ZBBX: variants seen among roughly 807,000 people sequenced by gnomAD.
ZBBX encodes zinc finger B-box domain-containing protein 1.
Under a neutral mutation model 108.5 loss-of-function variants are expected in ZBBX, and 101 were observed. The ratio of observed to expected loss-of-function variants is 0.93; its 90% CI spans 0.79 to 1.10. The LOEUF is 1.10. Ranked by LOEUF, ZBBX falls within the 50% of genes least tolerant of loss-of-function variation. ZBBX has a pLI of 0.00. For missense variants in ZBBX, 1,009 were observed against 941.4 expected (o/e 1.07, Z -0.94); for synonymous variants, 356 against 323.4 (o/e 1.10, Z -1.08).
chr3:167,329,800 C>T (rs546597876), intron 10 of ZBBX, among the ~76,000 whole-genome samples: 4 of 152,264 alleles, frequency 2.6e-5, no homozygotes, highest in Admixed American at 2.6e-4. Flanking sequence ...CACAGAGGAG[C>T]TTAAACCCAT....
At chr3:167,295,754 TATATAAAAAA>T (rs1731579443) in intron 18 of ZBBX, among the ~76,000 whole-genome samples, 3 of 14,612 alleles carry the variant, frequency 2.1e-4, no homozygotes, top group African/African-American at 8.8e-4. Flanking sequence ...TATATATATA[TATATAAAAAA>T]AACTAGTAAG....
intron 9 of ZBBX, among the ~76,000 whole-genome samples, chr3:167,346,553 G>A (rs562740162): frequency 5.0e-4 from 76 of 152,018 alleles, no homozygotes; most frequent in African/African-American, 1.8e-3. Flanking sequence ...ACAGGTTAAA[G>A]AATATAAAGT....
the ZBBX span, among the ~76,000 whole-genome samples, chr3:167,226,711 T>A: frequency 1.3e-5 from 2 of 151,850 alleles, no homozygotes; most frequent in South Asian, 4.2e-4. Flanking sequence ...ATGCTTCAGA[T>A]CTCAACTGAA....
chr3:167,250,761 G>C (rs1722451643), intron 20 of ZBBX, among the ~76,000 whole-genome samples: 1 of 152,030 alleles, frequency 6.6e-6, no homozygotes, highest in African/African-American at 2.4e-5. Flanking sequence ...GATACCGGAG[G>C]GGTCGAGGAA....
At chr3:167,281,644 T>C (rs2108523947) in intron 20 of ZBBX, among the ~76,000 whole-genome samples, 1 of 152,380 alleles carries the variant, frequency 6.6e-6, no homozygotes, top group East Asian at 1.9e-4. Flanking sequence ...ATGGTCACTA[T>C]ATTGCTGACT....
chr3:167,289,363 G>A (rs773141171), intron 18 of ZBBX, among the ~76,000 whole-genome samples: 4 of 152,188 alleles, frequency 2.6e-5, no homozygotes, highest in Non-Finnish European at 4.4e-5. Context: ...CAGTGATAAT[G>A]ATGTAGAAGG....
the ZBBX span, among the ~76,000 whole-genome samples, chr3:167,215,754 A>T: frequency 6.6e-6 from 1 of 152,198 alleles, no homozygotes; most frequent in Non-Finnish European, 1.5e-5. Context: ...AACTGAATCC[A>T]GCAGCGCATC....
intron 18 of ZBBX, among the ~76,000 whole-genome samples, chr3:167,294,799 G>T (rs115185010): frequency 3.7e-4 from 56 of 152,018 alleles, no homozygotes; most frequent in African/African-American, 1.3e-3. Flanking sequence ...CCATCCATTG[G>T]ACAAAGGGCT....
chr3:167,309,459 T>C (rs535365117), intron 16 of ZBBX, among the ~76,000 whole-genome samples: 1 of 152,228 alleles, frequency 6.6e-6, no homozygotes, highest in Non-Finnish European at 1.5e-5. Context: ...TACCTGGACA[T>C]TTAGGCATTT....
intron 20 of ZBBX, among the ~76,000 whole-genome samples, chr3:167,254,279 T>C (rs1576784814): frequency 6.6e-6 from 1 of 152,182 alleles, no homozygotes; most frequent in Admixed American, 6.5e-5. Flanking sequence ...TGTATGTGCA[T>C]GTGTGTGCAC....
chr3:167,366,674 A>G (rs1560190100), intron 5 of ZBBX: 1 of 348,248 alleles, frequency 2.9e-6, no homozygotes, highest in Non-Finnish European at 5.7e-6. Context: ...ATGACATTTA[A>G]TATCTGTGTG....
Position 167,358,195 on chromosome 3 carries a change from A to G in ZBBX, c.432+1675T>C, listed in dbSNP as rs1259832355. Among the ~76,000 whole-genome samples the G allele has an allele frequency of 2.6e-5, 4 of 151,908 alleles. No individual in the cohort carries two copies. The East Asian group carries it at 7.7e-4, about 29-fold the overall frequency. ...TAATAAAATAAAATAAAGTAAAATA[A>G]AAAAATAATAAAAAAAGAAATCCTA... On this transcript the variant is annotated intron_variant, in intron 8 of 21. Coordinates refer to ENST00000675490, the MANE Select transcript of ZBBX (RefSeq NM_001199201.2).
intron 20 of ZBBX, among the ~76,000 whole-genome samples, chr3:167,266,205 C>A (rs1190776652): frequency 6.6e-6 from 1 of 152,082 alleles, no homozygotes; most frequent in East Asian, 1.9e-4. Flanking sequence ...TTTTTCTCAA[C>A]TTTTGAAGGT....
Position 167,405,700 on chromosome 3 carries a change from G to T in ZBBX, c.-446+2026C>A, listed in dbSNP as rs115866463. On this transcript the variant is annotated intron_variant, in intron 1 of 21. Transcript: ENST00000455345. ...TTAGTAATTGAAGAAGGTATTCCTG[G>T]TAAGCTGGTACCACCAATAATTTAA... 4.5e-3 allele frequency among the ~76,000 whole-genome samples: 683 copies of T among 152,310 alleles called. 1 individual carries two copies. The highest frequency in any genetic ancestry group is 0.02 in the Middle Eastern group (6 of 294).
At chr3:167,193,723 C>G in the ZBBX span, among the ~76,000 whole-genome samples, 1 of 151,980 alleles carries the variant, frequency 6.6e-6, no homozygotes, top group Non-Finnish European at 1.5e-5. Context: ...TGGAATTAAC[C>G]TAAGTGTTCA....
Position 167,333,814 on chromosome 3 carries a change from T to A in ZBBX, c.687+13A>T. 1 of 1,581,836 alleles carries A rather than the reference T, an allele frequency of 6.3e-7. No individual in the cohort carries two copies. Among genetic ancestry groups the A allele is most frequent in the Non-Finnish European group, 8.6e-7 (1 of 1,168,024 alleles). On this transcript the variant is annotated intron_variant, in intron 10 of 21. Coordinates refer to ENST00000675490, the MANE Select transcript of ZBBX (RefSeq NM_001199201.2). ...TATGTCAGAAAATGTCTACTATATT[T>A]TCCTCAGTTTACCTCAGAGCTGCTC...
intron 2 of ZBBX, among the ~76,000 whole-genome samples, chr3:167,376,881 AC>A (rs951817830): frequency 2.6e-5 from 4 of 152,312 alleles, no homozygotes; most frequent in Non-Finnish European, 4.4e-5. Context: ...GAATTTAGTC[AC>A]CTTTCTGGGG....
At chr3:167,257,540 T>A (rs1270666633) in intron 20 of ZBBX, among the ~76,000 whole-genome samples, 2 of 152,112 alleles carry the variant, frequency 1.3e-5, no homozygotes, top group Admixed American at 6.5e-5. Flanking sequence ...ATAGATGGCT[T>A]TTATTATGTT....
At chr3:167,190,436 A>G in the ZBBX span, among the ~76,000 whole-genome samples, 4 of 137,512 alleles carry the variant, frequency 2.9e-5, no homozygotes, top group Non-Finnish European at 6.0e-5. Context: ...GCTGGAGTGC[A>G]GTGGCGCAAT....
Sources: allele counts gnomAD v4.1 joint callset (sites outside exome capture counted in the v4.1 genomes callset), GRCh38; gene constraint gnomAD v4.1.1; transcripts MANE v1.5; gene names NCBI Gene and HGNC (gene_info 2026-07-23, HGNC 2026-07-21).